Variants in MEF2B observed in about 807,000 individuals in gnomAD.
MEF2B encodes the protein myocyte-specific enhancer factor 2B.
In MEF2B, 15 loss-of-function variants were observed where a neutral mutation model predicts 32.2. That is an observed-to-expected ratio of 0.47 (90% CI 0.31 to 0.72). The LOEUF (loss-of-function observed/expected upper bound fraction) is 0.72. Among genes scored for constraint, MEF2B ranks in the 30% least tolerant of loss-of-function variants. The pLI, the probability that MEF2B is intolerant of heterozygous loss-of-function variation, is 0.05. For missense variants in MEF2B, 441 were observed against 511.5 expected, an observed-to-expected ratio of 0.86 and a Z score of 1.33; for synonymous variants, 205 against 225.6, an observed-to-expected ratio of 0.91 and a Z score of 0.82.
intron 1 of MEF2B, among the ~76,000 whole-genome samples, chr19:19,158,234 C>A (rs1249666811): frequency 6.6e-6 from 1 of 151,484 alleles, no homozygotes; most frequent in Non-Finnish European, 1.5e-5. Flanking sequence ...ATTACAGGTG[C>A]CTGCCACTGT....
At chr19:19,167,551 G>GAAAGAAAA (rs559828501) in intron 1 of MEF2B, among the ~76,000 whole-genome samples, 10 of 151,764 alleles carry the variant, frequency 6.6e-5, no homozygotes, top group African/African-American at 2.4e-4. Context: ...AAGAAAGAAA[G>GAAAGAAAA]AAACCTCTTC....
intron 1 of MEF2B, among the ~76,000 whole-genome samples, chr19:19,165,374 C>T (rs1227834948): frequency 6.6e-6 from 1 of 152,026 alleles, no homozygotes; most frequent in Non-Finnish European, 1.5e-5. Context: ...ACCCGGGAGG[C>T]GGAGATTGCA....
rs1482048547 is a variant in MEF2B at position 19,147,080 on chromosome 19, C to A, written c.497G>T (p.Arg166Leu). ...GGCTGCTGGTCGGAAGGGAGATGGG[C>A]GGCTCTGGGCGGGCAGTGCTTCCCC... ...GLGEALPAQS[R>L]PSPFRPAAPK... The change falls in exon 5 of 9, where the codon CGC becomes CTC. Residue 166 changes from arginine (R) to leucine (L), a missense_variant. Transcript: ENST00000424583. 6.2e-7 allele frequency: 1 copy of A among 1,609,048 alleles called. No individual in the cohort carries two copies. The highest frequency in any genetic ancestry group is 2.2e-5 in the East Asian group (1 of 44,806).
chr19:19,145,977 G>A lies in MEF2B; in HGVS notation c.927C>T (p.Ala309=). The A allele has an allele frequency of 7.0e-7, 1 of 1,438,322 alleles. No homozygotes were observed. Among genetic ancestry groups the A allele is most frequent in the East Asian group, 2.7e-5 (1 of 37,022 alleles). 89.1% of individuals were successfully genotyped at this position (1,438,322 alleles called of 1,614,324 possible). The part of the protein sequence containing the change: ...LGEEGPPTRG[A]SPPTPPVSIK... ...TGCTGACTGGGGGGGTCGGCGGGGA[G>A]GCGCCGCGGGTTGGGGGACCCTCCT... Residue 309 remains alanine, a synonymous_variant, in exon 9 of 9, where the codon GCC becomes GCT. Transcript: ENST00000424583. This position sits in a 1 kb window ranked among gnomAD's most constrained non-coding sequence, Gnocchi z 4.6.
At chr19:19,147,268 G>T in intron 4 of MEF2B, 85 bp from the exon 5 acceptor site, 1 of 1,006,272 alleles carries the variant, frequency 9.9e-7, no homozygotes, top group Non-Finnish European at 1.2e-6. Flanking sequence ...ATGAGTTCAG[G>T]GGCCCAGCTC....
At chr19:19,150,098 A>G (rs1320082592) in intron 2 of MEF2B, among the ~76,000 whole-genome samples, 1 of 130,794 alleles carries the variant, frequency 7.6e-6, no homozygotes, top group Non-Finnish European at 1.7e-5. Context: ...AAAAAAAAAA[A>G]AAAAAAAAGG....
chr19:19,166,158 C>A lies in MEF2B; in HGVS notation c.-30+4047G>T, dbSNP rs180873760. Among the ~76,000 whole-genome samples the A allele has an allele frequency of 4.5e-4, 69 of 152,236 alleles. No individual in the cohort carries two copies. The Middle Eastern group carries it at 0.01, about 23-fold the overall frequency. On this transcript the variant is annotated intron_variant, in intron 1 of 8. Coordinates refer to ENST00000424583, the MANE Select transcript of MEF2B (RefSeq NM_001145785.2). ...ACATGGTGAGACCTCCAGATCCCCACCCAATCCTGGGCTTGTACCCCAGGG... is the reference window on the plus strand; with the variant it reads ...ACATGGTGAGACCTCCAGATCCCCAACCAATCCTGGGCTTGTACCCCAGGG...
At chr19:19,157,309 C>T (rs1325627712) in intron 1 of MEF2B, 1 of 153,142 alleles carries the variant, frequency 6.5e-6, no homozygotes, top group African/African-American at 2.4e-5. Context: ...AGAATGTTTT[C>T]TACAGCTTCA....
chr19:19,165,478 C>T (rs976001675), intron 1 of MEF2B, among the ~76,000 whole-genome samples: 5 of 152,112 alleles, frequency 3.3e-5, no homozygotes, highest in African/African-American at 1.2e-4. Context: ...CAGGTGGACA[C>T]AATGGCAGGT....
At chr19:19,147,616 C>G in intron 4 of MEF2B, 82 bp downstream of exon 4, 1 of 1,561,974 alleles carries the variant, frequency 6.4e-7, no homozygotes, top group African/African-American at 1.4e-5. Context: ...GGCTCTAAGC[C>G]CCTCTCTCAG....
At chr19:19,162,788 G>C (rs936701520) in intron 1 of MEF2B, among the ~76,000 whole-genome samples, 2 of 151,914 alleles carry the variant, frequency 1.3e-5, no homozygotes, top group East Asian at 1.9e-4. Context: ...GGCCAGGGCC[G>C]GGGCTGTAGG....
chr19:19,166,884 G>T (rs527298791), intron 1 of MEF2B, among the ~76,000 whole-genome samples: 2 of 151,638 alleles, frequency 1.3e-5, no homozygotes, highest in Middle Eastern at 7.0e-3. Context: ...GGCAACATAG[G>T]GAGACCTTGT....
intron 2 of MEF2B, among the ~76,000 whole-genome samples, chr19:19,150,104 AAAGGAAGGATGG>A: frequency 6.9e-6 from 1 of 144,618 alleles, no homozygotes; most frequent in Non-Finnish European, 1.5e-5. Context: ...AAAAAAAAAA[AAAGGAAGGATGG>A]AAGGAGGGAT....
Position 19,164,895 on chromosome 19 carries a change from CCT to C in MEF2B, c.-30+5308_-30+5309del, listed in dbSNP as rs200718389. On this transcript the variant is annotated intron_variant, in intron 1 of 8. Coordinates refer to ENST00000424583, the MANE Select transcript of MEF2B (RefSeq NM_001145785.2). Reference sequence around the variant, plus strand: ...GGCTGCAGGGACAGCCCAAGGTTTTCCTCTCTTTGTTCCAGAGAAAGCTCTCC... The same window carrying C: ...GGCTGCAGGGACAGCCCAAGGTTTTCCTCTTTGTTCCAGAGAAAGCTCTCC... Among the ~76,000 whole-genome samples the C allele has an allele frequency of 9.0e-3, 1,377 of 152,322 alleles. 11 individuals are homozygous for C. Among genetic ancestry groups the C allele is most frequent in the Non-Finnish European group, 0.014 (954 of 68,014 alleles).
chr19:19,167,431 A>C (rs12610388), intron 1 of MEF2B, among the ~76,000 whole-genome samples: 1 of 150,814 alleles, frequency 6.6e-6, no homozygotes, highest in African/African-American at 2.4e-5. Flanking sequence ...CTGAGGCAGG[A>C]GGATCACTTG....
intron 6 of MEF2B, 25 bp downstream of exon 6, chr19:19,146,717 C>G (rs755944947): frequency 1.2e-6 from 2 of 1,613,794 alleles, no homozygotes; most frequent in Non-Finnish European, 1.7e-6. Context: ...CCTCATCAGC[C>G]CTGCCACACC....
intron 5 of MEF2B, 54 bp downstream of exon 5, chr19:19,146,982 T>A: frequency 7.7e-6 from 12 of 1,563,562 alleles, no homozygotes; most frequent in Non-Finnish European, 1.0e-5. Flanking sequence ...AGAGCCAAGA[T>A]GCACCCAAAC....
At chr19:19,158,248 C>T (rs539111780) in intron 1 of MEF2B, among the ~76,000 whole-genome samples, 16 of 151,496 alleles carry the variant, frequency 1.1e-4, no homozygotes, top group Admixed American at 1.3e-4. Flanking sequence ...CCACTGTGCC[C>T]GGCTAATTTT....
rs887214313 is a variant in MEF2B, at chr19:19,170,250, G to A, written c.-75C>T. 2.5e-6 allele frequency: 1 copy of A among 398,534 alleles called. No homozygotes were observed. Among genetic ancestry groups the A allele is most frequent in the Non-Finnish European group, 4.4e-6 (1 of 225,992 alleles). 24.7% of individuals were successfully genotyped at this position (398,534 alleles called of 1,614,324 possible). On this transcript the variant is annotated 5_prime_UTR_variant, in exon 1 of 9. Coordinates refer to ENST00000424583, the MANE Select transcript of MEF2B (RefSeq NM_001145785.2). The stretch of plus-strand genomic sequence containing the variant: ...GACGCTGGGCGCACGGACCCGCGGC[G>A]GCTGCACGAAGATCAGGGGCCCGCG...
Sources: allele counts gnomAD v4.1 joint callset (sites outside exome capture counted in the v4.1 genomes callset), GRCh38; gene constraint gnomAD v4.1.1; non-coding constraint Gnocchi (gnomAD v3.1); transcripts MANE v1.5; gene names NCBI Gene and HGNC (gene_info 2026-07-23, HGNC 2026-07-21).